PTPRU: variants seen among roughly 807,000 people sequenced by gnomAD.
PTPRU encodes the protein receptor-type tyrosine-protein phosphatase U.
Under a neutral mutation model 166.3 loss-of-function variants are expected in PTPRU, and 69 were observed. That is an observed-to-expected ratio of 0.41 (90% confidence interval 0.34 to 0.51). The LOEUF (loss-of-function observed/expected upper bound fraction) is 0.51. Among genes scored for constraint, PTPRU ranks in the 20% least tolerant of loss-of-function variants. PTPRU has a pLI of 0.09. For missense variants in PTPRU, 1,657 were observed against 2,013.7 expected (o/e 0.82, Z 3.39); for synonymous variants, 793 against 814.0 (o/e 0.97, Z 0.44).
chr1:29,319,662 G>A lies in PTPRU; in HGVS notation c.3688-1023G>A, dbSNP rs183937897. 7.9e-5 allele frequency among the ~76,000 whole-genome samples: 12 copies of A among 152,342 alleles called. No individual in the cohort carries two copies. The East Asian group carries it at 1.7e-3, about 22-fold the overall frequency. On this transcript the variant is annotated intron_variant, in intron 25 of 29. Transcript: ENST00000373779. ...GAGAGATCGCTGGGGGACCAGGGGGGCTCTTTGTTTCTCTGCACTGCACCT... is the reference window on the plus strand; with the variant it reads ...GAGAGATCGCTGGGGGACCAGGGGGACTCTTTGTTTCTCTGCACTGCACCT...
In PTPRU at chr1:29,318,032, C is replaced by T. The variant is rs1574725801; in HGVS notation, c.3687+111C>T. ...AGGCTCTGTTGGGGGGACCCCTGCC[C>T]ATTCTGGGGAACAGGCCTGTGTGTG... On this transcript the variant is annotated intron_variant, in intron 25 of 29. Transcript: ENST00000373779. 6.5e-6 allele frequency: 9 copies of T among 1,380,892 alleles called. No individual in the cohort carries two copies. In the East Asian group the frequency reaches 7.4e-5, roughly 11 times the overall value. 85.5% of individuals were successfully genotyped at this position (1,380,892 alleles called of 1,614,324 possible).
chr1:29,303,000 T>C (rs1687206203), intron 15 of PTPRU, among the ~76,000 whole-genome samples: 1 of 152,264 alleles, frequency 6.6e-6, no homozygotes, highest in South Asian at 2.1e-4. Context: ...GTCCATGGAG[T>C]AGGCTCTACT....
In PTPRU at chr1:29,311,408, G is replaced by C; in HGVS notation, c.2858-48G>C. ...GATGGTGCTGGATGTGCTGACCTGG[G>C]GTGGAGACCTTGTCTCAGGGACAGG... On this transcript the variant is annotated intron_variant, in intron 19 of 29. Transcript: ENST00000373779. This position sits in a 1 kb window ranked among gnomAD's most constrained non-coding sequence, Gnocchi z 4.1. The C allele has an allele frequency of 6.3e-7, 1 of 1,582,636 alleles. No homozygotes were observed. Among genetic ancestry groups the C allele is most frequent in the Non-Finnish European group, 8.7e-7 (1 of 1,154,170 alleles).
In PTPRU at chr1:29,283,656, C is replaced by G. The variant is rs1206490250; in HGVS notation, c.2143-284C>G. Reference sequence around the variant, plus strand: ...TGACTTCCTAGCTGGACCTCTGGCCCTAGGCCTCGCCCCGATGCCCGAGGC... The same window carrying G: ...TGACTTCCTAGCTGGACCTCTGGCCGTAGGCCTCGCCCCGATGCCCGAGGC... On this transcript the variant is annotated intron_variant, in intron 12 of 29. Coordinates refer to ENST00000373779, the MANE Select transcript of PTPRU (RefSeq NM_133178.4). The G allele has an allele frequency of 6.2e-6, 3 of 485,128 alleles. No individual in the cohort carries two copies. The East Asian group carries it at 1.1e-4, about 17-fold the overall frequency. 30.1% of individuals were successfully genotyped at this position (485,128 alleles called of 1,614,324 possible). A position where few individuals can be genotyped will look rare whatever the true frequency, so the allele number is the denominator to read the frequency against.
At chr1:29,250,437 T>C (rs1054930387) in intron 1 of PTPRU, among the ~76,000 whole-genome samples, 1 of 152,240 alleles carries the variant, frequency 6.6e-6, no homozygotes, top group Non-Finnish European at 1.5e-5. Flanking sequence ...ACATTGTAGC[T>C]GCATGGCCTT....
In PTPRU at chr1:29,326,148, T is replaced by C. The variant is rs868475728; in HGVS notation, c.*487T>C. Reference sequence around the variant, plus strand: ...TTCCATCTGGCCCAGCCCCTGAAGGTCCTGGGGAAGCAGGTCTCAATTCTG... The same window carrying C: ...TTCCATCTGGCCCAGCCCCTGAAGGCCCTGGGGAAGCAGGTCTCAATTCTG... On this transcript the variant is annotated 3_prime_UTR_variant, in exon 30 of 30. Transcript: ENST00000373779. 8.5e-6 allele frequency: 3 copies of C among 353,076 alleles called. No homozygotes were observed. Among genetic ancestry groups the C allele is most frequent in the African/African-American group, 4.2e-5 (2 of 47,802 alleles). 21.9% of individuals were successfully genotyped at this position (353,076 alleles called of 1,614,324 possible).
chr1:29,241,580 T>TTTC lies in PTPRU; in HGVS notation c.73+4887_73+4889dup, dbSNP rs369661546. On this transcript the variant is annotated intron_variant, in intron 1 of 29. Transcript: ENST00000373779. The stretch of plus-strand genomic sequence containing the variant: ...GGGTGCCATGTGTCTATTTTTTTTT[T>TTTC]TTCTTCTTCTTCTTCTTCTTCTTCT... Among the ~76,000 whole-genome samples, 766 of 149,082 alleles carry TTTC rather than the reference T, an allele frequency of 5.1e-3. 7 individuals are homozygous for TTTC. Among genetic ancestry groups the TTTC allele is most frequent in the African/African-American group, 0.012 (462 of 40,010 alleles).
At chr1:29,240,084 C>T (rs112862689) in intron 1 of PTPRU, among the ~76,000 whole-genome samples, 2 of 152,164 alleles carry the variant, frequency 1.3e-5, no homozygotes, top group Admixed American at 6.5e-5. Context: ...CTCTCTGGGC[C>T]TTTGGGCAAG....
chr1:29,311,626 T>C lies in PTPRU; in HGVS notation c.2956-17T>C. The C allele has an allele frequency of 6.2e-7, 1 of 1,613,954 alleles. No individual in the cohort carries two copies. Among genetic ancestry groups the C allele is most frequent in the East Asian group, 2.2e-5 (1 of 44,878 alleles). On this transcript the variant is annotated splice_polypyrimidine_tract_variant and intron_variant, in intron 20 of 29. Transcript: ENST00000373779. The surrounding 1 kb of genome is among the most constrained non-coding windows in gnomAD (Gnocchi z 4.1). ...GCAGCAAAGAGCCCACTGAGTCCCG[T>C]CCTGTGGGGCCTCTAGGTGAAATGC... is the stretch of plus-strand genomic sequence containing the variant.
Position 29,303,883 on chromosome 1 carries a change from G to A in PTPRU, c.2505G>A (p.Glu835=), listed in dbSNP as rs140494175. Residue 835 remains glutamate (E), a synonymous_variant, in exon 16 of 30, where the codon GAG becomes GAA. Transcript: ENST00000373779. ...RGDQRSGGVT[E]ASSLLGGSPR... is the part of the protein sequence containing the mutation. ...ACCAGCGCAGCGGTGGGGTCACTGA[G>A]GCCAGCAGCCTCCTGGGGGGCTCCC... The A allele has an allele frequency of 2.8e-4, 453 of 1,612,548 alleles. No homozygotes were observed. In the African/African-American group the frequency reaches 5.6e-3, roughly 20 times the overall value.
intron 1 of PTPRU, among the ~76,000 whole-genome samples, chr1:29,252,299 ACT>A (rs1352757608): frequency 7.2e-6 from 1 of 139,168 alleles, no homozygotes; most frequent in African/African-American, 2.7e-5. Flanking sequence ...ACAGAGTCAC[ACT>A]CTGTCACCCT....
chr1:29,317,737 G>A lies in PTPRU; in HGVS notation c.3514-11G>A, dbSNP rs369853511. On this transcript the variant is annotated splice_polypyrimidine_tract_variant and intron_variant, in intron 24 of 29. Transcript: ENST00000373779. The surrounding 1 kb of genome is among the most constrained non-coding windows in gnomAD (Gnocchi z 5.6). ...GACGTAACTCTCTGTCCCCACCCCC[G>A]CTCCCTGTAGACGCTGAACTCGGTC... 5.9e-5 allele frequency: 95 copies of A among 1,600,182 alleles called. 1 individual carries two copies. The highest frequency in any genetic ancestry group is 7.7e-5 in the Non-Finnish European group (91 of 1,176,264).
rs1484561265 is a variant in PTPRU at position 29,260,418 on chromosome 1, C to T, written c.851-192C>T. 6.6e-6 allele frequency among the ~76,000 whole-genome samples: 1 copy of T among 151,948 alleles called. No individual in the cohort carries two copies. The highest frequency in any genetic ancestry group is 2.4e-5 in the African/African-American group (1 of 41,354). On this transcript the variant is annotated intron_variant, in intron 6 of 29. Transcript: ENST00000373779. This position sits in a 1 kb window ranked among gnomAD's most constrained non-coding sequence, Gnocchi z 8.3. ...GCTGATGGGCGAGGGCGGGGTCAGC[C>T]TTTGGAGCCAGGTGCCCCTTAGGGC... is the stretch of plus-strand genomic sequence containing the variant.
At chr1:29,296,392 C>T (rs1296455047) in intron 15 of PTPRU, among the ~76,000 whole-genome samples, 1 of 151,954 alleles carries the variant, frequency 6.6e-6, no homozygotes, top group Admixed American at 6.6e-5. Flanking sequence ...TTATTTTTTC[C>T]CCTTTTGTCT....
chr1:29,284,713 C>T lies in PTPRU; in HGVS notation c.2180-18C>T. The T allele has an allele frequency of 1.9e-6, 3 of 1,614,026 alleles. No individual in the cohort carries two copies. Among genetic ancestry groups the T allele is most frequent in the Non-Finnish European group, 2.5e-6 (3 of 1,179,964 alleles). ...CCTGTCTTTCCTCTGATCCCTTGTT[C>T]TGCTTTGTTCTCCCCAGCTGCCTGC... On this transcript the variant is annotated intron_variant, in intron 13 of 29. Coordinates refer to ENST00000373779, the MANE Select transcript of PTPRU (RefSeq NM_133178.4).
In PTPRU at chr1:29,271,782, TAC is replaced by T. The variant is rs1685566673; in HGVS notation, c.1145-3664_1145-3663del. Among the ~76,000 whole-genome samples the T allele has an allele frequency of 6.6e-6, 1 of 152,198 alleles. No individual in the cohort carries two copies. Among genetic ancestry groups the T allele is most frequent in the Non-Finnish European group, 1.5e-5 (1 of 68,044 alleles). ...CTTTACCCAGCATACGTCCCCCGTTTACATGGAACTTCTCCTGCCCTTCTGTA... is the reference window on the plus strand; with the variant it reads ...CTTTACCCAGCATACGTCCCCCGTTTATGGAACTTCTCCTGCCCTTCTGTA... On this transcript the variant is annotated intron_variant, in intron 7 of 29. Transcript: ENST00000373779. This position sits in a 1 kb window ranked among gnomAD's most constrained non-coding sequence, Gnocchi z 4.4.
chr1:29,268,517 AG>A (rs1685401892), intron 7 of PTPRU, among the ~76,000 whole-genome samples: 1 of 152,234 alleles, frequency 6.6e-6, no homozygotes, highest in Non-Finnish European at 1.5e-5. Flanking sequence ...CATAGTGCTG[AG>A]GTTGAGAATC....
intron 1 of PTPRU, among the ~76,000 whole-genome samples, chr1:29,239,503 C>T (rs548766046): frequency 4.6e-5 from 7 of 152,032 alleles, no homozygotes; most frequent in South Asian, 2.1e-4. Flanking sequence ...GAGGTGGGGA[C>T]GCTGAGCTCC....
chr1:29,323,873 C>A, intron 28 of PTPRU, 85 bp downstream of exon 28: 1 of 1,481,160 alleles, frequency 6.8e-7, no homozygotes, highest in Admixed American at 2.2e-5. Flanking sequence ...CCAGCTTTGG[C>A]TGGACTGCAA....
Sources: gnomAD v4.1 joint callset for allele counts (sites outside exome capture counted in the v4.1 genomes callset) on GRCh38, gnomAD v4.1.1 for gene constraint, Gnocchi (gnomAD v3.1) non-coding constraint, MANE v1.5 for transcripts, NCBI Gene and HGNC (gene_info 2026-07-23, HGNC 2026-07-21) for gene names.